Variants in ZNF365 observed in about 807,000 individuals in gnomAD.
The protein encoded by ZNF365 is protein ZNF365.
A neutral mutation model predicts 35.0 loss-of-function variants in ZNF365; 22 were observed. The ratio of observed to expected loss-of-function variants is 0.63; its 90% CI spans 0.45 to 0.90. ZNF365 has a LOEUF of 0.90. ZNF365 is among the 40% of genes least tolerant of loss of function. ZNF365 has a pLI of 0.00. For missense variants in ZNF365, 448 were observed against 500.3 expected, an observed-to-expected ratio of 0.90 and a Z score of 1.00; for synonymous variants, 188 against 196.2, an observed-to-expected ratio of 0.96 and a Z score of 0.35.
chr10:62,383,911 C>T (rs545353298), intron 2 of ZNF365, among the ~76,000 whole-genome samples: 1 of 152,132 alleles, frequency 6.6e-6, no homozygotes, highest in Admixed American at 6.5e-5. Context: ...CCTCATTGCT[C>T]CTCTTCTACT....
chr10:62,404,576 G>GAA (rs1839877035), downstream of ZNF365, among the ~76,000 whole-genome samples: 1 of 152,084 alleles, frequency 6.6e-6, no homozygotes, highest in Non-Finnish European at 1.5e-5. Flanking sequence ...GACTCCATTT[G>GAA]CTTAGGGGCT....
chr10:62,408,069 G>T (rs894754652), intron 3 of ZNF365, among the ~76,000 whole-genome samples: 1 of 152,084 alleles, frequency 6.6e-6, no homozygotes, highest in Non-Finnish European at 1.5e-5. Flanking sequence ...CTCAACAATG[G>T]TGCAGTTGAA....
At chr10:62,465,600 ACTCAG>A (rs2132485245) in intron 4 of ZNF365, among the ~76,000 whole-genome samples, 1 of 152,164 alleles carries the variant, frequency 6.6e-6, no homozygotes, top group African/African-American at 2.4e-5. Flanking sequence ...AAAACCCCAG[ACTCAG>A]CTAGACTCAG....
chr10:62,402,286 A>T lies in ZNF365; in HGVS notation c.*2497A>T. 1 of 985,616 alleles carries T rather than the reference A, an allele frequency of 1.0e-6. No homozygotes were observed. Among genetic ancestry groups the T allele is most frequent in the Non-Finnish European group, 1.2e-6 (1 of 829,904 alleles). The allele number at this position is 985,616 out of a possible 1,614,324, so 61.1% of individuals were successfully genotyped here. A position where few individuals can be genotyped will look rare whatever the true frequency, so the allele number is the denominator to read the frequency against. On this transcript the variant is annotated 3_prime_UTR_variant, in exon 5 of 5. Transcript: ENST00000395254. ...TTCTTGCTTTTTCCCTTTTTCCCAA[A>T]CTAGGTTACAGGTTCTTATCTGCAA...
chr10:62,377,547 T>C (rs531163986), intron 2 of ZNF365, among the ~76,000 whole-genome samples: 2 of 149,956 alleles, frequency 1.3e-5, no homozygotes, highest in African/African-American at 5.0e-5. Context: ...AGTTTGAGAC[T>C]TGACTTTTTG....
At chr10:62,389,262 T>C (rs1236851191) in intron 3 of ZNF365, among the ~76,000 whole-genome samples, 1 of 127,550 alleles carries the variant, frequency 7.8e-6, no homozygotes, top group Non-Finnish European at 1.6e-5. Context: ...CAAATAACCA[T>C]ACTCTAGGTC....
chr10:62,429,627 T>A (rs779813434), intron 3 of ZNF365, among the ~76,000 whole-genome samples: 1 of 152,220 alleles, frequency 6.6e-6, no homozygotes, highest in Non-Finnish European at 1.5e-5. Context: ...TTTGCACAGT[T>A]CAATTTATTG....
chr10:62,427,362 C>A (rs1428109247), intron 3 of ZNF365, among the ~76,000 whole-genome samples: 1 of 152,170 alleles, frequency 6.6e-6, no homozygotes. Flanking sequence ...AGTATAGTAA[C>A]ATGCTGTACA....
At position 62,459,604 on chromosome 10, in the gene ZNF365, G is replaced by A. The variant is rs1840814313; in HGVS notation, c.925-137G>A. On this transcript the variant is annotated intron_variant, in intron 3 of 4. Coordinates refer to the ZNF365 transcript ENST00000395255. The stretch of plus-strand genomic sequence containing the variant: ...CAATTAGCACATTAATGCAATTTCT[G>A]TTTCTAGCCTGGGAAAATATGTCAG... 3.0e-6 allele frequency: 3 copies of A among 987,652 alleles called. No homozygotes were observed. In the South Asian group the frequency reaches 5.4e-5, roughly 18 times the overall value. 61.2% of individuals were successfully genotyped at this position (987,652 alleles called of 1,614,324 possible).
chr10:62,422,861 G>T (rs566232239), intron 3 of ZNF365, among the ~76,000 whole-genome samples: 2 of 152,052 alleles, frequency 1.3e-5, no homozygotes, highest in Non-Finnish European at 2.9e-5. Context: ...TCTTGAAGAC[G>T]AAACTAAGTT....
intron 3 of ZNF365, among the ~76,000 whole-genome samples, chr10:62,453,656 T>C (rs934273356): frequency 1.3e-5 from 2 of 152,194 alleles, no homozygotes; most frequent in Admixed American, 1.3e-4. Flanking sequence ...TACCCAGCAG[T>C]GGGATTGCTG....
chr10:62,441,534 T>C (rs1489238690), intron 3 of ZNF365, among the ~76,000 whole-genome samples: 1 of 152,048 alleles, frequency 6.6e-6, no homozygotes, highest in Non-Finnish European at 1.5e-5. Context: ...ACCTTACTGA[T>C]TCTTGGGGCC....
intron 3 of ZNF365, among the ~76,000 whole-genome samples, chr10:62,448,338 C>G (rs538268239): frequency 4.8e-4 from 73 of 152,266 alleles, no homozygotes; most frequent in Admixed American, 1.2e-3. Context: ...GAATGTGAGG[C>G]TCAAAAATGT....
intron 4 of ZNF365, among the ~76,000 whole-genome samples, chr10:62,476,017 G>A (rs1477079220): frequency 6.6e-6 from 1 of 151,776 alleles, no homozygotes; most frequent in Non-Finnish European, 1.5e-5. Context: ...GGGAGCCAAG[G>A]TCAAGGTTTA....
rs779285297 is a variant in ZNF365 at position 62,399,533 on chromosome 10, G to A, written c.968G>A (p.Arg323Gln). 9.9e-6 allele frequency: 16 copies of A among 1,613,668 alleles called. No homozygotes were observed. Among genetic ancestry groups the A allele is most frequent in the Admixed American group, 8.3e-5 (5 of 59,972 alleles). ...CCCCCTCCAACCCTCTGTAGAAGCC[G>A]AGGGCACCCGCATTCGGTATGTAAC... is the stretch of plus-strand genomic sequence containing the variant. ...SSNRKPKCLS[R>Q]GHPHSVCNHP... is the part of the protein sequence containing the mutation. The change falls in exon 5 of 5, where the codon CGA (arginine) becomes CAA (glutamine). Residue 323 changes from arginine (R) to glutamine (Q), a missense_variant. By Grantham distance (43) the Arg-to-Gln change is conservative (BLOSUM62 1). Coordinates refer to ENST00000395254, the MANE Select transcript of ZNF365 (RefSeq NM_014951.3).
chr10:62,388,403 G>C lies in ZNF365; in HGVS notation c.751G>C (p.Val251Leu). ...EELLRKEEEV[V>L]TFNHFLEAAA... ...GACATTTTTGCCTTGCAGAGAAGTT[G>C]TCACATTCAACCATTTCCTGGAAGC... Residue 251 changes from valine to leucine, a missense_variant, in exon 3 of 5, where the codon GTC (valine) becomes CTC (leucine). Transcript: ENST00000395254. The C allele has an allele frequency of 6.2e-7, 1 of 1,614,198 alleles. No individual in the cohort carries two copies. Among genetic ancestry groups the C allele is most frequent in the South Asian group, 1.1e-5 (1 of 91,084 alleles).
intron 3 of ZNF365, among the ~76,000 whole-genome samples, chr10:62,413,983 A>G (rs1840030445): frequency 6.6e-6 from 1 of 152,224 alleles, no homozygotes; most frequent in Non-Finnish European, 1.5e-5. Flanking sequence ...CACAGGTAGC[A>G]GTCCTCATAG....
intron 3 of ZNF365, among the ~76,000 whole-genome samples, chr10:62,428,709 T>G (rs1213537240): frequency 6.6e-6 from 1 of 152,142 alleles, no homozygotes; most frequent in Non-Finnish European, 1.5e-5. Flanking sequence ...CATCTAGGGT[T>G]GGTGGGGTGA....
At chr10:62,479,957 G>T in exon 5 of ZNF365, 1 of 1,607,708 alleles carries the variant, frequency 6.2e-7, no homozygotes, top group African/African-American at 1.3e-5. Flanking sequence ...CAAATTAATT[G>T]TGCCAGAGAA....
Sources: gnomAD v4.1 joint callset for allele counts (sites outside exome capture counted in the v4.1 genomes callset) on GRCh38, gnomAD v4.1.1 for gene constraint, MANE v1.5 for transcripts, NCBI Gene and HGNC (gene_info 2026-07-23, HGNC 2026-07-21) for gene names.